Variants in KCNH1 observed in about 807,000 individuals in gnomAD.
The protein encoded by KCNH1 is voltage-gated delayed rectifier potassium channel KCNH1.
In KCNH1, 27 loss-of-function variants were observed where a neutral mutation model predicts 69.2. That is an observed-to-expected ratio of 0.39 (90% CI 0.29 to 0.54). The LOEUF (loss-of-function observed/expected upper bound fraction) is 0.54. Among genes scored for constraint, KCNH1 ranks in the 20% least tolerant of loss-of-function variants. The probability of loss-of-function intolerance (pLI) is 0.68; values close to 1 mark genes in which losing one functional copy is unlikely to be tolerated. For synonymous variants in KCNH1, 456 were observed against 487.7 expected, an observed-to-expected ratio of 0.93 and a Z score of 0.86; for missense variants, 798 against 1,261.6, an observed-to-expected ratio of 0.63 and a Z score of 5.57.
chr1:210,919,794 G>T lies in KCNH1; in HGVS notation c.1308C>A (p.Gly436=). The change falls in exon 7 of 11, where the codon GGC becomes GGA. Residue 436 remains glycine, a synonymous_variant. Transcript: ENST00000271751. This position sits in a 1 kb window ranked among gnomAD's most constrained non-coding sequence, Gnocchi z 4.2. ...IGTPYQFNGS[G]SGKWEGGPSK... ...TGGGACCACCTTCCCACTTCCCTGA[G>T]CCAGACCCATTAAACTGGTAAGGGG... 6.2e-7 allele frequency: 1 copy of T among 1,614,172 alleles called. No homozygotes were observed. Among genetic ancestry groups the T allele is most frequent in the South Asian group, 1.1e-5 (1 of 91,074 alleles).
chr1:211,110,011 G>A (rs1691428828), intron 1 of KCNH1, among the ~76,000 whole-genome samples: 1 of 146,708 alleles, frequency 6.8e-6, no homozygotes. Flanking sequence ...AAGAGAAAGA[G>A]ACAAGAAACA....
intron 6 of KCNH1, among the ~76,000 whole-genome samples, chr1:210,937,366 G>T (rs1166839257): frequency 2.0e-5 from 3 of 152,172 alleles, no homozygotes; most frequent in African/African-American, 7.2e-5. Context: ...GGTGCAGCCT[G>T]TCTCCTACCA....
intron 6 of KCNH1, among the ~76,000 whole-genome samples, chr1:211,003,960 G>T (rs1220757844): frequency 1.3e-5 from 2 of 152,094 alleles, no homozygotes; most frequent in Admixed American, 1.3e-4. Flanking sequence ...AGGCGAGGTG[G>T]TGGGCGCCTG....
intron 7 of KCNH1, among the ~76,000 whole-genome samples, chr1:210,853,998 G>A (rs1232800385): frequency 4.3e-5 from 6 of 138,270 alleles, no homozygotes; most frequent in Non-Finnish European, 6.1e-5. Flanking sequence ...CTGGCATAAT[G>A]TGTTTATCTC....
chr1:210,826,794 C>T (rs920766603), intron 7 of KCNH1, among the ~76,000 whole-genome samples: 1 of 152,190 alleles, frequency 6.6e-6, no homozygotes, highest in South Asian at 2.1e-4. Context: ...GTGTGAAAAG[C>T]AGCTTTGGAA....
In KCNH1 at chr1:210,740,704, A is replaced by ATTTTTTTTTTT. The variant is rs199727493; in HGVS notation, c.2112+34633_2112+34643dup. Among the ~76,000 whole-genome samples the ATTTTTTTTTTT allele has an allele frequency of 4.5e-3, 526 of 117,158 alleles. 10 individuals carry two copies. Among genetic ancestry groups the ATTTTTTTTTTT allele is most frequent in the African/African-American group, 0.017 (507 of 29,500 alleles). 76.9% of individuals were successfully genotyped at this position (117,158 alleles called of 152,430 possible). The stretch of plus-strand genomic sequence containing the variant: ...GTCTCTGATTAAATTTTATGATTAA[A>ATTTTTTTTTTT]TTTTTTTTTTTTTTTTTTTTTTTTT... On this transcript the variant is annotated intron_variant, in intron 10 of 10. Coordinates refer to ENST00000271751, the MANE Select transcript of KCNH1 (RefSeq NM_172362.3).
In KCNH1 at chr1:210,919,826, T is replaced by C. The variant is rs1687422160; in HGVS notation, c.1276A>G (p.Ile426Val). 3.1e-6 allele frequency: 5 copies of C among 1,614,170 alleles called. No individual in the cohort carries two copies. Among genetic ancestry groups the C allele is most frequent in the East Asian group, 4.5e-5 (2 of 44,876 alleles). The change falls in exon 7 of 11, where the codon ATT becomes GTT. Residue 426 changes from isoleucine (I) to valine (V), a missense_variant. By Grantham distance (29) the Ile-to-Val change is conservative. Around this residue, in one of 4 missense-constraint regions of KCNH1, gnomAD observed 197 missense variants for 407.7 expected, o/e 0.48. Coordinates refer to ENST00000271751, the MANE Select transcript of KCNH1 (RefSeq NM_172362.3). The surrounding 1 kb of genome is among the most constrained non-coding windows in gnomAD (Gnocchi z 4.2). Reference protein sequence around the residue: ...NSWLYQLAMDIGTPYQFNGSG... With the variant: ...NSWLYQLAMDVGTPYQFNGSG... Reference sequence around the variant, plus strand: ...CCATTAAACTGGTAAGGGGTGCCAATGTCCATCGCTAGTTGGTACAGCCAG... The same window carrying C: ...CCATTAAACTGGTAAGGGGTGCCAACGTCCATCGCTAGTTGGTACAGCCAG...
At chr1:210,847,815 T>TG (rs1685593617) in intron 7 of KCNH1, among the ~76,000 whole-genome samples, 1 of 150,872 alleles carries the variant, frequency 6.6e-6, no homozygotes, top group South Asian at 2.1e-4. Context: ...GAATAAAATG[T>TG]GGGAAAAAAA....
intron 4 of KCNH1, among the ~76,000 whole-genome samples, chr1:211,087,654 CA>C (rs1460364665): frequency 2.8e-4 from 42 of 151,934 alleles, no homozygotes; most frequent in African/African-American, 9.9e-4. Flanking sequence ...CACACACACA[CA>C]CACACACACC....
intron 5 of KCNH1, among the ~76,000 whole-genome samples, chr1:211,073,575 T>C (rs1037818757): frequency 4.6e-5 from 7 of 151,902 alleles, no homozygotes; most frequent in African/African-American, 1.5e-4. Context: ...AGCTAGAAAA[T>C]CCAAAAATAC....
At chr1:210,783,903 G>A (rs570904961) in intron 9 of KCNH1, among the ~76,000 whole-genome samples, 1 of 152,192 alleles carries the variant, frequency 6.6e-6, no homozygotes, top group Non-Finnish European at 1.5e-5. Flanking sequence ...TGTGATAGAG[G>A]TATATACAAA....
intron 1 of KCNH1, among the ~76,000 whole-genome samples, chr1:211,107,807 A>T (rs77912941): frequency 6.6e-6 from 1 of 152,188 alleles, no homozygotes; most frequent in Non-Finnish European, 1.5e-5. Flanking sequence ...GAAGCTAAAA[A>T]TTTGCCTTCT....
At chr1:210,957,426 A>G (rs78063704) in intron 6 of KCNH1, among the ~76,000 whole-genome samples, 1 of 152,184 alleles carries the variant, frequency 6.6e-6, no homozygotes. Context: ...GATGTCTATT[A>G]GGTCCACTTG....
intron 1 of KCNH1, among the ~76,000 whole-genome samples, chr1:211,132,074 T>G (rs1228650383): frequency 6.6e-6 from 1 of 152,234 alleles, no homozygotes; most frequent in Non-Finnish European, 1.5e-5. Context: ...TGTAAGTTTC[T>G]CTTCCTGCTC....
At chr1:210,991,735 T>C (rs1688942690) in intron 6 of KCNH1, among the ~76,000 whole-genome samples, 3 of 152,156 alleles carry the variant, frequency 2.0e-5, no homozygotes, top group Non-Finnish European at 4.4e-5. Context: ...TTGTACCCCA[T>C]AAATACAGAT....
chr1:210,959,830 G>A (rs953726097), intron 6 of KCNH1, among the ~76,000 whole-genome samples: 1 of 152,216 alleles, frequency 6.6e-6, no homozygotes, highest in African/African-American at 2.4e-5. Context: ...CCCTTGGCTA[G>A]GAAAGGGAAA....
chr1:210,886,941 G>A (rs573634351), intron 7 of KCNH1, among the ~76,000 whole-genome samples: 57 of 152,152 alleles, frequency 3.7e-4, no homozygotes, highest in Non-Finnish European at 5.7e-4. Context: ...TGAAATTGAC[G>A]GAGAGAATGG....
intron 6 of KCNH1, among the ~76,000 whole-genome samples, chr1:210,952,955 C>T (rs1306156796): frequency 5.3e-5 from 8 of 152,150 alleles, no homozygotes; most frequent in African/African-American, 1.4e-4. Context: ...AATTGGTTGA[C>T]TGGTTGGTTT....
At chr1:211,126,085 C>T (rs946515323) in intron 1 of KCNH1, among the ~76,000 whole-genome samples, 2 of 152,224 alleles carry the variant, frequency 1.3e-5, no homozygotes, top group Admixed American at 6.5e-5. Context: ...ACACTTGCAG[C>T]AGGGCGCAGT....
Sources: allele counts gnomAD v4.1 joint callset (sites outside exome capture counted in the v4.1 genomes callset), GRCh38; gene constraint gnomAD v4.1.1; regional missense constraint gnomAD v4.1.1; non-coding constraint Gnocchi (gnomAD v3.1); transcripts MANE v1.5; gene names NCBI Gene and HGNC (gene_info 2026-07-23, HGNC 2026-07-21).